The following CR1L variants were observed in gnomAD, a reference collection of about 807,000 sequenced individuals.
CR1L encodes the protein complement C3b/C4b receptor 1 like.
A neutral mutation model predicts 62.3 loss-of-function variants in CR1L; 59 were observed. The observed-to-expected ratio is 0.95, with a 90% confidence interval of 0.77 to 1.18. CR1L has a LOEUF of 1.18. Among genes scored for constraint, CR1L ranks in the 50% most tolerant of loss-of-function variants. CR1L has a pLI of 0.00. For synonymous variants in CR1L, 279 were observed against 248.7 expected (o/e 1.12, Z -1.15); for missense variants, 700 against 702.8 (o/e 1.00, Z 0.04).
In CR1L at chr1:207,723,646, G is replaced by A. The variant is rs1373269070; in HGVS notation, c.1671G>A (p.Lys557=). ...CACATGATGCTCTTATAGTTGGTAAGTTTTATGAAGTGTTTGCTGAGGAAT... is the reference window on the plus strand; with the variant it reads ...CACATGATGCTCTTATAGTTGGTAAATTTTATGAAGTGTTTGCTGAGGAAT... ...AGSHDALIVG[K]FYEVFAEEFC... Residue 557 remains lysine (K), a synonymous_variant, in exon 12 of 12, where the codon AAG becomes AAA. Transcript: ENST00000508064. 6.3e-7 allele frequency: 1 copy of A among 1,596,858 alleles called. No homozygotes were observed.
chr1:207,677,702 T>C lies in CR1L; in HGVS notation c.277+134T>C. 5 of 1,037,236 alleles carry C rather than the reference T, an allele frequency of 4.8e-6. No individual in the cohort carries two copies. In the South Asian group the frequency reaches 9.2e-5, roughly 19 times the overall value. The allele number at this position is 1,037,236 out of a possible 1,614,324, so 64.3% of individuals were successfully genotyped here. On this transcript the variant is annotated intron_variant, in intron 2 of 11. Transcript: ENST00000508064. ...GGTGCAATACATATGAGAATTATTCTTGTAGATCATACCTTGTTACTGCTT... is the reference window on the plus strand; with the variant it reads ...GGTGCAATACATATGAGAATTATTCCTGTAGATCATACCTTGTTACTGCTT...
At chr1:207,696,992 C>T (rs1487479907) in intron 5 of CR1L, among the ~76,000 whole-genome samples, 4 of 152,096 alleles carry the variant, frequency 2.6e-5, no homozygotes, top group East Asian at 1.9e-4. Flanking sequence ...GTCAGGTGGC[C>T]GCTGAGAGAA....
chr1:207,661,838 C>T (rs1663429774), intron 1 of CR1L, among the ~76,000 whole-genome samples: 1 of 152,160 alleles, frequency 6.6e-6, no homozygotes, highest in Non-Finnish European at 1.5e-5. Context: ...TAGGGCAGGC[C>T]TGGTGGTGAC....
chr1:207,665,888 G>A (rs1425026755), intron 1 of CR1L, among the ~76,000 whole-genome samples: 2 of 152,160 alleles, frequency 1.3e-5, no homozygotes, highest in African/African-American at 4.8e-5. Context: ...ATGAAGTAAG[G>A]CAGTATTCGG....
At chr1:207,659,269 C>G (rs548044417) in intron 1 of CR1L, 15 of 152,610 alleles carry the variant, frequency 9.8e-5, no homozygotes, top group Admixed American at 3.3e-4. Flanking sequence ...TCTGCAGCCC[C>G]AGGCCCATTC....
At chr1:207,721,194 C>G (rs1197054076) in intron 11 of CR1L, among the ~76,000 whole-genome samples, 1 of 151,630 alleles carries the variant, frequency 6.6e-6, no homozygotes, top group African/African-American at 2.4e-5. Flanking sequence ...AACAAAGTAC[C>G]CTTTTTTTTT....
At chr1:207,719,719 A>AAC (rs143460282) in intron 11 of CR1L, among the ~76,000 whole-genome samples, 111 of 150,278 alleles carry the variant, frequency 7.4e-4, no homozygotes, top group African/African-American at 2.0e-3. Context: ...CTCTGTCTCA[A>AAC]ACACACACAC....
intron 1 of CR1L, among the ~76,000 whole-genome samples, chr1:207,669,771 C>G (rs1663581693): frequency 6.6e-6 from 1 of 151,406 alleles, no homozygotes; most frequent in African/African-American, 2.5e-5. Flanking sequence ...TCTAGGTAAG[C>G]GTGGAGTTCC....
At chr1:207,656,799 T>C (rs373010851) in intron 1 of CR1L, among the ~76,000 whole-genome samples, 1 of 152,136 alleles carries the variant, frequency 6.6e-6, no homozygotes, top group East Asian at 1.9e-4. Context: ...TCCACCCCCA[T>C]GATTCAGACC....
At chr1:207,689,454 G>T (rs1663964384) in intron 4 of CR1L, among the ~76,000 whole-genome samples, 1 of 151,922 alleles carries the variant, frequency 6.6e-6, no homozygotes, top group Non-Finnish European at 1.5e-5. Flanking sequence ...ATCAGTCAAG[G>T]TAAACCTCAC....
intron 5 of CR1L, among the ~76,000 whole-genome samples, chr1:207,696,627 T>C (rs1664104691): frequency 6.6e-6 from 1 of 152,166 alleles, no homozygotes; most frequent in African/African-American, 2.4e-5. Context: ...AAAGAAGTCA[T>C]TTTTCTAGTC....
intron 4 of CR1L, among the ~76,000 whole-genome samples, chr1:207,686,096 T>C (rs796855291): frequency 0.087 from 534 of 6,112 alleles, 10 homozygotes; most frequent in African/African-American, 0.21. Context: ...TCCTCCCTCC[T>C]TTCCTTCCTT....
At chr1:207,697,352 T>G (rs1183198215) in intron 5 of CR1L, 151 bp from the exon 6 acceptor site, 9 of 1,510,746 alleles carry the variant, frequency 6.0e-6, no homozygotes, top group Admixed American at 1.9e-5. Flanking sequence ...TTCCTCGCCC[T>G]GTGTATTTAG....
At chr1:207,713,767 GA>G (rs1653896606) in intron 10 of CR1L, among the ~76,000 whole-genome samples, 1 of 152,258 alleles carries the variant, frequency 6.6e-6, no homozygotes, top group Admixed American at 6.5e-5. Context: ...CCGAAGCCCA[GA>G]GGGGGTGTAA....
chr1:207,710,816 C>G lies in CR1L; in HGVS notation c.1414+2553C>G, dbSNP rs546226627. 4.0e-6 allele frequency: 6 copies of G among 1,506,240 alleles called. No individual in the cohort carries two copies. In the South Asian group the frequency reaches 6.8e-5, roughly 17 times the overall value. The allele number at this position is 1,506,240 out of a possible 1,614,324, so 93.3% of individuals were successfully genotyped here. The stretch of plus-strand genomic sequence containing the variant: ...TTGCCTGAGGCCTAGAAGGGCCCTG[C>G]AAGTGACATGCATTGCTGTTGGATC... On this transcript the variant is annotated intron_variant, in intron 10 of 11. Coordinates refer to ENST00000508064, the MANE Select transcript of CR1L (RefSeq NM_175710.2).
intron 4 of CR1L, among the ~76,000 whole-genome samples, chr1:207,687,719 C>T (rs148364368): frequency 6.6e-6 from 1 of 152,070 alleles, no homozygotes. Flanking sequence ...ATCTTGAGTA[C>T]CTTTTCATAT....
intron 1 of CR1L, among the ~76,000 whole-genome samples, chr1:207,671,655 A>G (rs1663617042): frequency 6.6e-6 from 1 of 151,016 alleles, no homozygotes; most frequent in African/African-American, 2.5e-5. Context: ...GGCCAGGCGC[A>G]GTGGCTCACA....
intron 10 of CR1L, 100 bp from the exon 11 acceptor site, chr1:207,717,364 G>GAA: frequency 7.4e-7 from 1 of 1,356,844 alleles, no homozygotes; most frequent in Non-Finnish European, 1.0e-6. Context: ...CTTTCTAAAA[G>GAA]AAAAAAAATT....
intron 8 of CR1L, among the ~76,000 whole-genome samples, chr1:207,701,317 T>A (rs567117929): frequency 2.4e-4 from 37 of 152,300 alleles, no homozygotes; most frequent in African/African-American, 8.7e-4. Flanking sequence ...TAGATAGATC[T>A]GGAGGGAAGG....
Sources: gnomAD v4.1 joint callset for allele counts (sites outside exome capture counted in the v4.1 genomes callset) on GRCh38, gnomAD v4.1.1 for gene constraint, MANE v1.5 for transcripts, NCBI Gene and HGNC (gene_info 2026-07-23, HGNC 2026-07-21) for gene names.